The following IMMP2L variants were observed in gnomAD, a reference collection of about 807,000 sequenced individuals.
IMMP2L encodes mitochondrial inner membrane protease subunit 2.
IMMP2L carries 18 observed loss-of-function variants against 19.3 expected under a neutral mutation model. The ratio of observed to expected loss-of-function variants is 0.93; its 90% confidence interval spans 0.64 to 1.38. The LOEUF is 1.38. IMMP2L is among the 40% of genes most tolerant of loss of function. The probability of loss-of-function intolerance (pLI) is 0.00; values close to 1 mark genes in which losing one functional copy is unlikely to be tolerated. For missense variants in IMMP2L, 233 were observed against 218.2 expected (o/e 1.07, Z -0.43); for synonymous variants, 76 against 73.0 (o/e 1.04, Z -0.21).
At chr7:110,812,147 A>C (rs1297838675) in intron 5 of IMMP2L, among the ~76,000 whole-genome samples, 2 of 152,098 alleles carry the variant, frequency 1.3e-5, no homozygotes, top group Admixed American at 6.6e-5. Flanking sequence ...AGAGTGGTAC[A>C]ATATAGGAAG....
chr7:110,946,039 A>T (rs1327490242), intron 4 of IMMP2L, among the ~76,000 whole-genome samples: 1 of 152,088 alleles, frequency 6.6e-6, no homozygotes, highest in African/African-American at 2.4e-5. Flanking sequence ...AAATTAAACC[A>T]CTCACCTCAA....
At chr7:110,739,099 A>T (rs1276129479) in intron 5 of IMMP2L, among the ~76,000 whole-genome samples, 1 of 152,224 alleles carries the variant, frequency 6.6e-6, no homozygotes, top group Non-Finnish European at 1.5e-5. Flanking sequence ...ATACACCAAA[A>T]TTGAAACTTC....
At chr7:110,751,695 GTTTGTTTAAGCCTAGATTGCAT>G (rs1797728798) in intron 5 of IMMP2L, among the ~76,000 whole-genome samples, 1 of 151,870 alleles carries the variant, frequency 6.6e-6, no homozygotes, top group African/African-American at 2.4e-5. Flanking sequence ...CTAAAGATAG[GTTTGTTTAAGCCTAGATTGCAT>G]TTTGTGAATG....
chr7:110,734,556 G>C (rs1237091874), intron 5 of IMMP2L, among the ~76,000 whole-genome samples: 2 of 152,160 alleles, frequency 1.3e-5, no homozygotes, highest in Non-Finnish European at 2.9e-5. Flanking sequence ...AGAACTTAAA[G>C]GTTTGGAAAA....
intron 3 of IMMP2L, among the ~76,000 whole-genome samples, chr7:111,470,180 A>G (rs1841104829): frequency 6.6e-6 from 1 of 152,182 alleles, no homozygotes; most frequent in African/African-American, 2.4e-5. Flanking sequence ...ATGAGATACC[A>G]TCTCACACCA....
chr7:110,968,541 C>T (rs1015405344), intron 3 of IMMP2L, among the ~76,000 whole-genome samples: 15 of 152,140 alleles, frequency 9.9e-5, no homozygotes, highest in African/African-American at 2.4e-4. Context: ...GGCATGCTGA[C>T]ATGTGCCTGT....
intron 5 of IMMP2L, among the ~76,000 whole-genome samples, chr7:110,872,756 G>A (rs148751400): frequency 6.6e-6 from 1 of 152,278 alleles, no homozygotes; most frequent in Non-Finnish European, 1.5e-5. Flanking sequence ...TGCAGGACTG[G>A]AACTGGATGC....
At chr7:111,531,987 T>C (rs1302915605) in intron 1 of IMMP2L, among the ~76,000 whole-genome samples, 11 of 151,652 alleles carry the variant, frequency 7.3e-5, no homozygotes, top group African/African-American at 2.7e-4. Flanking sequence ...AGAAGGCCTA[T>C]AAATGGAAAA....
At chr7:110,865,242 AT>A (rs1807865869) in intron 5 of IMMP2L, among the ~76,000 whole-genome samples, 2 of 152,050 alleles carry the variant, frequency 1.3e-5, no homozygotes, top group South Asian at 4.1e-4. Context: ...TATTAATTGA[AT>A]GGGTGAAAAG....
intron 2 of IMMP2L, among the ~76,000 whole-genome samples, chr7:111,506,179 C>A (rs917024510): frequency 2.0e-5 from 3 of 150,498 alleles, no homozygotes; most frequent in African/African-American, 7.3e-5. Context: ...GGCAACAGAG[C>A]AAGACCCTGT....
At chr7:110,739,255 A>G (rs1349942063) in intron 5 of IMMP2L, among the ~76,000 whole-genome samples, 1 of 152,182 alleles carries the variant, frequency 6.6e-6, no homozygotes, top group Non-Finnish European at 1.5e-5. Context: ...TGTTCTACTT[A>G]AAAGATACAG....
intron 3 of IMMP2L, among the ~76,000 whole-genome samples, chr7:110,995,827 C>T (rs1822973229): frequency 6.6e-6 from 1 of 152,124 alleles, no homozygotes; most frequent in Non-Finnish European, 1.5e-5. Flanking sequence ...TGTATAGTTT[C>T]TATCTATCTG....
At chr7:110,856,263 T>C (rs1211049198) in intron 5 of IMMP2L, among the ~76,000 whole-genome samples, 6 of 151,958 alleles carry the variant, frequency 3.9e-5, no homozygotes, top group Non-Finnish European at 8.8e-5. Flanking sequence ...TAGTTTATTC[T>C]TTTTTTAAGA....
At chr7:110,999,991 T>C (rs1411432816) in intron 3 of IMMP2L, among the ~76,000 whole-genome samples, 2 of 152,198 alleles carry the variant, frequency 1.3e-5, no homozygotes, top group African/African-American at 4.8e-5. Flanking sequence ...CCCTTTTCTC[T>C]GGAATATCAA....
chr7:110,817,256 C>T (rs1298649289), intron 5 of IMMP2L, among the ~76,000 whole-genome samples: 1 of 152,114 alleles, frequency 6.6e-6, no homozygotes, highest in Non-Finnish European at 1.5e-5. Context: ...TAAGCAACTT[C>T]AGCAAAGTCT....
rs71147477 is a variant in IMMP2L, at chr7:111,485,597, C to CAAAAAAAAAAAA, written c.239+1629_239+1640dup. 1.4e-4 allele frequency among the ~76,000 whole-genome samples: 7 copies of CAAAAAAAAAAAA among 50,592 alleles called. 1 individual carries two copies. Among genetic ancestry groups the CAAAAAAAAAAAA allele is most frequent in the African/African-American group, 4.3e-4 (5 of 11,686 alleles). 33.2% of individuals were successfully genotyped at this position (50,592 alleles called of 152,430 possible). A position where few individuals can be genotyped will look rare whatever the true frequency, so the allele number is the denominator to read the frequency against. ...TGCGCAACAGAGCGAGACTCTGTTT[C>CAAAAAAAAAAAA]AAAAAAAAAAAAAAAAAAAAAAAAA... On this transcript the variant is annotated intron_variant, in intron 3 of 5. Transcript: ENST00000405709.
intron 3 of IMMP2L, among the ~76,000 whole-genome samples, chr7:111,072,572 A>G (rs910505177): frequency 2.6e-5 from 4 of 152,152 alleles, no homozygotes; most frequent in African/African-American, 7.2e-5. Flanking sequence ...CAGCATGACA[A>G]AAGACAAATA....
At chr7:110,746,964 A>G (rs1388545990) in intron 5 of IMMP2L, among the ~76,000 whole-genome samples, 1 of 152,196 alleles carries the variant, frequency 6.6e-6, no homozygotes, top group East Asian at 1.9e-4. Flanking sequence ...TGAATCCAGG[A>G]GGTAGTTTTT....
At chr7:111,016,868 T>A (rs1260063756) in intron 3 of IMMP2L, among the ~76,000 whole-genome samples, 11 of 86,146 alleles carry the variant, frequency 1.3e-4, no homozygotes, top group South Asian at 3.0e-4. Context: ...TATAATATAT[T>A]ACATATAATA....
Sources: gnomAD v4.1 joint callset for allele counts (sites outside exome capture counted in the v4.1 genomes callset) on GRCh38, gnomAD v4.1.1 for gene constraint, MANE v1.5 for transcripts, NCBI Gene and HGNC (gene_info 2026-07-23, HGNC 2026-07-21) for gene names.